CSMD1: variants seen among roughly 807,000 people sequenced by gnomAD.
CSMD1 encodes CUB and sushi domain-containing protein 1.
A neutral mutation model predicts 417.5 loss-of-function variants in CSMD1; 213 were observed. The observed-to-expected ratio is 0.51, with a 90% CI of 0.46 to 0.57. The LOEUF (loss-of-function observed/expected upper bound fraction) is 0.57. CSMD1 is among the 20% of genes least tolerant of loss of function. CSMD1 has a pLI of 0.00. For synonymous variants in CSMD1, 2,862 were observed against 1,736.8 expected (o/e 1.65, Z -16.11); for missense variants, 6,923 against 4,529.7 (o/e 1.53, Z -15.17).
intron 3 of CSMD1, among the ~76,000 whole-genome samples, chr8:4,122,180 C>T (rs1183487488): frequency 6.6e-6 from 1 of 152,100 alleles, no homozygotes; most frequent in Non-Finnish European, 1.5e-5. Flanking sequence ...ATAAGAATGA[C>T]AGTGACTCCA....
At position 3,052,525 on chromosome 8, in the gene CSMD1, C is replaced by T. The variant is rs988273481; in HGVS notation, c.7597G>A (p.Ala2533Thr). 3.1e-5 allele frequency: 49 copies of T among 1,604,150 alleles called. No homozygotes were observed. Among genetic ancestry groups the T allele is most frequent in the Non-Finnish European group, 3.8e-5 (45 of 1,175,120 alleles). Residue 2533 changes from alanine (A) to threonine (T), a missense_variant, in exon 50 of 70, where the codon GCA becomes ACA. By Grantham distance (58) the Ala-to-Thr change is moderately conservative (BLOSUM62 0). Coordinates refer to ENST00000635120, the MANE Select transcript of CSMD1 (RefSeq NM_033225.6). ...EGFKLESSQQ[A>T]TAVCQEDGLW... ...CCATCTTCTTGACACACGGCTGTTGCTTGCTGGCTGGATTCAAGCTTGAAG... is the reference window on the plus strand; with the variant it reads ...CCATCTTCTTGACACACGGCTGTTGTTTGCTGGCTGGATTCAAGCTTGAAG...
intron 21 of CSMD1, among the ~76,000 whole-genome samples, chr8:3,350,673 C>A (rs1020531874): frequency 6.6e-6 from 1 of 152,050 alleles, no homozygotes; most frequent in African/African-American, 2.4e-5. Context: ...TTAATTGCAG[C>A]TGATATTTGT....
At position 3,735,782 on chromosome 8, in the gene CSMD1, G is replaced by A. The variant is rs76945394; in HGVS notation, c.931+18148C>T. ...CAATGTTGCTGCAGATACCACACATGCTCCTTGCTAATCTGGCCAATTACA... is the reference window on the plus strand; with the variant it reads ...CAATGTTGCTGCAGATACCACACATACTCCTTGCTAATCTGGCCAATTACA... On this transcript the variant is annotated intron_variant, in intron 6 of 69. Coordinates refer to ENST00000635120, the MANE Select transcript of CSMD1 (RefSeq NM_033225.6). Among the ~76,000 whole-genome samples the A allele has an allele frequency of 5.1e-3, 776 of 152,232 alleles. 8 individuals carry two copies. Among genetic ancestry groups the A allele is most frequent in the African/African-American group, 0.018 (743 of 41,534 alleles).
chr8:4,797,771 G>C (rs976119652), intron 1 of CSMD1, among the ~76,000 whole-genome samples: 1 of 152,210 alleles, frequency 6.6e-6, no homozygotes, highest in African/African-American at 2.4e-5. Flanking sequence ...TATAAATGCT[G>C]AGACTAATCA....
chr8:4,885,904 A>C (rs1418550779), intron 1 of CSMD1, among the ~76,000 whole-genome samples: 1 of 152,104 alleles, frequency 6.6e-6, no homozygotes, highest in Non-Finnish European at 1.5e-5. Flanking sequence ...ATGCTGACAA[A>C]GATTTATGCC....
At chr8:4,092,625 C>T (rs1209735500) in intron 3 of CSMD1, among the ~76,000 whole-genome samples, 17 of 152,130 alleles carry the variant, frequency 1.1e-4, no homozygotes, top group African/African-American at 2.4e-4. Context: ...AGAAGAATGA[C>T]GTGAATTAAG....
intron 1 of CSMD1, among the ~76,000 whole-genome samples, chr8:4,675,329 A>T (rs555658116): frequency 6.6e-6 from 1 of 152,324 alleles, no homozygotes; most frequent in African/African-American, 2.4e-5. Context: ...AGTTATTTGT[A>T]AAATAAATGA....
At chr8:3,074,536 C>A (rs577955517) in intron 49 of CSMD1, among the ~76,000 whole-genome samples, 1 of 152,152 alleles carries the variant, frequency 6.6e-6, no homozygotes, top group East Asian at 1.9e-4. Context: ...TTGGATTACC[C>A]GAAGATCAGT....
At chr8:4,097,024 C>T (rs901430010) in intron 3 of CSMD1, among the ~76,000 whole-genome samples, 2 of 152,116 alleles carry the variant, frequency 1.3e-5, no homozygotes, top group African/African-American at 4.8e-5. Flanking sequence ...TTTTCCACCC[C>T]CATCTTTTTT....
chr8:3,949,767 A>G (rs574468888), intron 5 of CSMD1, among the ~76,000 whole-genome samples: 3 of 152,178 alleles, frequency 2.0e-5, no homozygotes, highest in African/African-American at 4.8e-5. Flanking sequence ...GAAGCGCACA[A>G]GACAGCCACA....
At chr8:3,553,596 T>C (rs1165974331) in intron 10 of CSMD1, among the ~76,000 whole-genome samples, 1 of 152,192 alleles carries the variant, frequency 6.6e-6, no homozygotes, top group African/African-American at 2.4e-5. Context: ...ACATAAACCA[T>C]AACTGTGATG....
intron 3 of CSMD1, among the ~76,000 whole-genome samples, chr8:4,244,796 G>C (rs1481321311): frequency 6.6e-6 from 1 of 152,152 alleles, no homozygotes; most frequent in Non-Finnish European, 1.5e-5. Context: ...TTATACGTAT[G>C]TATAAAATAT....
intron 6 of CSMD1, among the ~76,000 whole-genome samples, chr8:3,716,911 G>C (rs770812895): frequency 4.5e-4 from 68 of 152,136 alleles, no homozygotes; most frequent in Admixed American, 1.1e-3. Context: ...TAAAATGCTG[G>C]AGTACATCCT....
intron 3 of CSMD1, among the ~76,000 whole-genome samples, chr8:4,353,379 C>A (rs1338259200): frequency 2.0e-5 from 3 of 152,132 alleles, no homozygotes; most frequent in African/African-American, 7.2e-5. Flanking sequence ...GAGGCCTCCC[C>A]AGCCGTGTGG....
At chr8:3,561,177 C>T (rs896823463) in intron 10 of CSMD1, among the ~76,000 whole-genome samples, 2 of 152,162 alleles carry the variant, frequency 1.3e-5, no homozygotes, top group Non-Finnish European at 2.9e-5. Flanking sequence ...AAAGCAAATA[C>T]TATTGGTAGC....
intron 40 of CSMD1, among the ~76,000 whole-genome samples, chr8:3,144,826 T>G (rs1298516792): frequency 0.071 from 1,445 of 20,302 alleles, no homozygotes; most frequent in Admixed American, 0.1. Context: ...GGAGAAGGGG[T>G]AAGGGAGGGA....
intron 12 of CSMD1, among the ~76,000 whole-genome samples, chr8:3,444,070 T>C (rs187129585): frequency 3.3e-4 from 50 of 151,976 alleles, no homozygotes; most frequent in African/African-American, 9.6e-4. Context: ...CTTTGTTCTA[T>C]ACACACACAC....
chr8:3,890,023 A>C (rs977086445), intron 5 of CSMD1, among the ~76,000 whole-genome samples: 5 of 152,146 alleles, frequency 3.3e-5, no homozygotes, highest in Admixed American at 2.0e-4. Flanking sequence ...CTCAAAAAAT[A>C]TAAACATTTT....
intron 7 of CSMD1, among the ~76,000 whole-genome samples, chr8:3,693,640 G>A (rs567210721): frequency 6.6e-6 from 1 of 152,230 alleles, no homozygotes; most frequent in Non-Finnish European, 1.5e-5. Context: ...AAATAAATGT[G>A]TACATATATG....
Sources: gnomAD v4.1 joint callset for allele counts (sites outside exome capture counted in the v4.1 genomes callset) on GRCh38, gnomAD v4.1.1 for gene constraint, MANE v1.5 for transcripts, NCBI Gene and HGNC (gene_info 2026-07-23, HGNC 2026-07-21) for gene names.